Variants in RP1L1 observed in about 807,000 individuals in gnomAD.
RP1L1 encodes RP1 like 1.
In RP1L1, 27 loss-of-function variants were observed where a neutral mutation model predicts 15.7. The observed-to-expected ratio is 1.72, with a 90% CI of 1.27 to 2.38. RP1L1 has a LOEUF of 2.38. Among genes scored for constraint, RP1L1 ranks in the 30% most tolerant of loss-of-function variants. The pLI is 0.00. For synonymous variants in RP1L1, 1,813 were observed against 1,276.7 expected (o/e 1.42, Z -8.96); for missense variants, 4,798 against 3,075.9 (o/e 1.56, Z -13.24).
At chr8:10,644,750 C>A (rs754613719) in intron 1 of RP1L1, among the ~76,000 whole-genome samples, 6 of 152,226 alleles carry the variant, frequency 3.9e-5, no homozygotes, top group Non-Finnish European at 5.9e-5. Context: ...ACCCCAGGAA[C>A]GCAGCCAGGG....
intron 1 of RP1L1, among the ~76,000 whole-genome samples, chr8:10,634,387 G>A (rs559427818): frequency 2.4e-4 from 36 of 152,134 alleles, no homozygotes; most frequent in African/African-American, 8.0e-4. Flanking sequence ...CAGGACAACC[G>A]CATGGTCATC....
intron 1 of RP1L1, among the ~76,000 whole-genome samples, chr8:10,648,725 G>A (rs4841405): frequency 0.37 from 55,545 of 152,172 alleles, 12,905 homozygotes; most frequent in African/African-American, 0.65. Flanking sequence ...TGACTTTTAT[G>A]TGGGCTTAAG....
intron 1 of RP1L1, among the ~76,000 whole-genome samples, chr8:10,623,450 G>C (rs1798106471): frequency 6.6e-6 from 1 of 152,142 alleles, no homozygotes; most frequent in South Asian, 2.1e-4. Flanking sequence ...TCAGGAGTTT[G>C]AGGCTGTCCC....
intron 1 of RP1L1, among the ~76,000 whole-genome samples, chr8:10,642,287 G>A (rs557815754): frequency 1.3e-5 from 2 of 152,000 alleles, no homozygotes; most frequent in Non-Finnish European, 2.9e-5. Flanking sequence ...CCTATTTTGG[G>A]GGACTGCAAT....
intron 1 of RP1L1, among the ~76,000 whole-genome samples, chr8:10,640,252 T>G (rs1798387501): frequency 6.6e-6 from 1 of 152,244 alleles, no homozygotes; most frequent in South Asian, 2.1e-4. Flanking sequence ...TCTACCTCAC[T>G]TAGTTGGAGA....
chr8:10,628,953 A>G (rs531618995), intron 1 of RP1L1, among the ~76,000 whole-genome samples: 9 of 152,356 alleles, frequency 5.9e-5, no homozygotes, highest in Admixed American at 3.9e-4. Context: ...TACAACACCA[A>G]GCGGGATGTG....
At position 10,611,377 on chromosome 8, in the gene RP1L1, T is replaced by C. The variant is rs752888174; in HGVS notation, c.2721A>G (p.Ala907=). 3.2e-5 allele frequency: 51 copies of C among 1,609,042 alleles called. No homozygotes were observed. The Middle Eastern group carries it at 5.0e-4, about 16-fold the overall frequency. The part of the protein sequence containing the change: ...PTPSPGPNSG[A]SRRSSASQGA... ...CCTGGCTGGCACTGCTTCTCCTTGA[T>C]GCCCCTGAATTGGGGCCTGGGGACG... The change falls in exon 4 of 4, where the codon GCA becomes GCG. Residue 907 remains alanine (A), a synonymous_variant. Transcript: ENST00000382483.
chr8:10,640,852 C>G (rs887016151), intron 1 of RP1L1, among the ~76,000 whole-genome samples: 3 of 152,006 alleles, frequency 2.0e-5, no homozygotes, highest in Non-Finnish European at 2.9e-5. Context: ...CTCACTGCAG[C>G]CTTGACCTCC....
intron 2 of RP1L1, chr8:10,621,672 A>G (rs746334438): frequency 4.2e-5 from 20 of 478,836 alleles, no homozygotes; most frequent in Non-Finnish European, 7.6e-5. Context: ...ACAGATGTTA[A>G]GGAGCAACAG....
At chr8:10,638,791 T>C (rs534484194) in intron 1 of RP1L1, among the ~76,000 whole-genome samples, 67 of 152,106 alleles carry the variant, frequency 4.4e-4, no homozygotes, top group African/African-American at 1.5e-3. Context: ...GCCCAGTGGA[T>C]CATTAAGAAG....
intron 1 of RP1L1, among the ~76,000 whole-genome samples, chr8:10,628,162 G>T (rs1798186629): frequency 6.6e-6 from 1 of 152,158 alleles, no homozygotes; most frequent in Non-Finnish European, 1.5e-5. Context: ...TACTTGAATT[G>T]TCTGTGCTTC....
rs751988065 is a variant in RP1L1, at chr8:10,606,848, A to G, written c.*47T>C. ...TCAGTTTTGTAGAAAAAATATGAAT[A>G]AAAACAGAGCTCCCAAGCTCGTGAT... On this transcript the variant is annotated 3_prime_UTR_variant, in exon 4 of 4. Coordinates refer to ENST00000382483, the MANE Select transcript of RP1L1 (RefSeq NM_178857.6). The G allele has an allele frequency of 1.2e-6, 2 of 1,612,198 alleles. No individual in the cohort carries two copies. The highest frequency in any genetic ancestry group is 2.2e-5 in the South Asian group (2 of 90,942).
At position 10,612,553 on chromosome 8, in the gene RP1L1, TG is replaced by T; in HGVS notation, c.1544del (p.Pro515GlnfsTer7). 6.2e-7 allele frequency: 1 copy of T among 1,609,064 alleles called. No homozygotes were observed. The highest frequency in any genetic ancestry group is 1.1e-5 in the South Asian group (1 of 91,048). On this transcript the variant is annotated frameshift_variant, in exon 4 of 4. Transcript: ENST00000382483. LOFTEE classifies it low-confidence loss of function (END_TRUNC). The part of the protein sequence containing the change: ...LCIDGAGLGG[P>X]EQGGRLTPRA... Reference sequence around the variant, plus strand: ...TCGGTGTCAGGCGGCCGCCTTGCTCTGGGCCGCCCAGCCCTGCTCCATCTAT... The same window carrying T: ...TCGGTGTCAGGCGGCCGCCTTGCTCTGGCCGCCCAGCCCTGCTCCATCTAT...
intron 1 of RP1L1, among the ~76,000 whole-genome samples, chr8:10,646,542 C>A (rs1400380469): frequency 6.6e-6 from 1 of 152,110 alleles, no homozygotes; most frequent in Non-Finnish European, 1.5e-5. Context: ...ATTCCAGGTC[C>A]CCAGTGTGGG....
In RP1L1 at chr8:10,607,858, T is replaced by C; in HGVS notation, c.6240A>G (p.Pro2080=). 2 of 1,585,424 alleles carry C rather than the reference T, an allele frequency of 1.3e-6. No individual in the cohort carries two copies. Among genetic ancestry groups the C allele is most frequent in the Non-Finnish European group, 1.7e-6 (2 of 1,163,536 alleles). ...EVQEAEGEAH[P]ESEDVDAQEA... is the part of the protein sequence containing the mutation. The stretch of plus-strand genomic sequence containing the variant: ...CCTGGGCATCTACATCTTCTGACTC[T>C]GGGTGGGCCTCCCCTTCTGCCTCCT... The change falls in exon 4 of 4, where the codon CCA becomes CCG. Residue 2080 remains proline (P), a synonymous_variant. Transcript: ENST00000382483.
chr8:10,612,959 C>G lies in RP1L1; in HGVS notation c.1139G>C (p.Gly380Ala). The change falls in exon 4 of 4, where the codon GGG (glycine) becomes GCG (alanine). Residue 380 changes from glycine (G) to alanine (A), a missense_variant. By Grantham distance (60) the Gly-to-Ala change is moderately conservative. Coordinates refer to ENST00000382483, the MANE Select transcript of RP1L1 (RefSeq NM_178857.6). ...EGYPWGFSEPGVWGPRPCRVG... is the reference protein window; with the variant it reads ...EGYPWGFSEPAVWGPRPCRVG... ...CCTGCAGGGCCGGGGTCCCCACACC[C>G]CAGGCTCTGAGAAGCCCCAAGGGTA... The G allele has an allele frequency of 6.2e-7, 1 of 1,613,164 alleles. No homozygotes were observed. Among genetic ancestry groups the G allele is most frequent in the Non-Finnish European group, 8.5e-7 (1 of 1,179,948 alleles).
chr8:10,649,210 C>T (rs1005830641), intron 1 of RP1L1, among the ~76,000 whole-genome samples: 4 of 152,216 alleles, frequency 2.6e-5, no homozygotes, highest in East Asian at 1.9e-4. Flanking sequence ...CCAGCAAAAC[C>T]GATTCTACTC....
At chr8:10,619,145 C>G (rs923139581) in intron 2 of RP1L1, among the ~76,000 whole-genome samples, 1 of 152,360 alleles carries the variant, frequency 6.6e-6, no homozygotes, top group East Asian at 1.9e-4. Flanking sequence ...GCTGGGATTA[C>G]AGGTGTGAGC....
At chr8:10,647,432 C>A (rs534311415) in intron 1 of RP1L1, among the ~76,000 whole-genome samples, 1 of 152,128 alleles carries the variant, frequency 6.6e-6, no homozygotes, top group Non-Finnish European at 1.5e-5. Flanking sequence ...TCACCCCCAT[C>A]TGTCTCCAAA....
Sources: gnomAD v4.1 joint callset for allele counts (sites outside exome capture counted in the v4.1 genomes callset) on GRCh38, gnomAD v4.1.1 for gene constraint, MANE v1.5 for transcripts, NCBI Gene and HGNC (gene_info 2026-07-23, HGNC 2026-07-21) for gene names.